Variants in DOK7 observed in about 807,000 individuals in gnomAD.
The protein encoded by DOK7 is docking protein 7, also known as protein Dok-7.
A neutral mutation model predicts 30.7 loss-of-function variants in DOK7; 32 were observed. That is an observed-to-expected ratio of 1.04 (90% CI 0.79 to 1.40). The LOEUF (loss-of-function observed/expected upper bound fraction) is 1.40, where lower values mean the gene tolerates loss of function less well. Among genes scored for constraint, DOK7 ranks in the 40% most tolerant of loss-of-function variants. The pLI is 0.00. For synonymous variants in DOK7, 447 were observed against 324.1 expected (o/e 1.38, Z -4.07); for missense variants, 1,007 against 699.2 (o/e 1.44, Z -4.97).
chr4:3,496,594 A>T (rs1370004565), downstream of DOK7, among the ~76,000 whole-genome samples: 3 of 152,172 alleles, frequency 2.0e-5, no homozygotes, highest in Admixed American at 2.0e-4. Flanking sequence ...GGCTACCACC[A>T]GGCTGGGTGG....
chr4:3,499,380 C>T (rs7665412), downstream of DOK7, among the ~76,000 whole-genome samples: 1,207 of 152,318 alleles, frequency 7.9e-3, 17 homozygotes, highest in African/African-American at 0.028. Context: ...CCTCACGTGG[C>T]TGTGCGTTCC....
Position 3,492,970 on chromosome 4 carries a change from G to A in DOK7, c.984G>A (p.Gln328=). The stretch of plus-strand genomic sequence containing the variant: ...AGCCGCTGCGTCCGCGGCAGCTGCA[G>A]GAGGTTGGCCGCCAGAGCTCCTCGG... ...PPKPLRPRQL[Q]EVGRQSSSDS... is the part of the protein sequence containing the mutation. The change falls in exon 7 of 7, where the codon CAG becomes CAA. Residue 328 remains glutamine, a synonymous_variant. Transcript: ENST00000340083. 1 of 1,553,724 alleles carries A rather than the reference G, an allele frequency of 6.4e-7. No individual in the cohort carries two copies. The highest frequency in any genetic ancestry group is 8.7e-7 in the Non-Finnish European group (1 of 1,152,776).
chr4:3,496,421 G>A (rs564056473), downstream of DOK7, among the ~76,000 whole-genome samples: 3 of 152,368 alleles, frequency 2.0e-5, no homozygotes, highest in Admixed American at 1.3e-4. Flanking sequence ...CGGAGCAGCC[G>A]CTCAGCTCTG....
intron 4 of DOK7, among the ~76,000 whole-genome samples, chr4:3,485,161 G>A (rs1014405615): frequency 3.9e-5 from 6 of 152,222 alleles, no homozygotes; most frequent in Non-Finnish European, 8.8e-5. Flanking sequence ...CGGAAGGCAG[G>A]TATGTGGGCG....
At chr4:3,485,067 T>C (rs1727678388) in intron 4 of DOK7, among the ~76,000 whole-genome samples, 1 of 152,084 alleles carries the variant, frequency 6.6e-6, no homozygotes, top group South Asian at 2.1e-4. Flanking sequence ...GCAGGGTCGC[T>C]GGGACCTTGG....
chr4:3,491,411 CTTCTTTCCTTCTTCCCCTGCTCATTCAT>C (rs1340800875), intron 6 of DOK7, among the ~76,000 whole-genome samples: 1 of 45,732 alleles, frequency 2.2e-5, no homozygotes, highest in Non-Finnish European at 4.8e-5. Flanking sequence ...CCCCAGCTTC[CTTCTTTCCTTCTTCCCCTGCTCATTCAT>C]TTCTTTCTTC....
rs889629961 is a variant in DOK7 at position 3,489,568 on chromosome 4, T to C, written c.653-109T>C. On this transcript the variant is annotated intron_variant, in intron 5 of 6. Transcript: ENST00000340083. Reference sequence around the variant, plus strand: ...GGAGGAGCGGGGACTCCCAGGGGACTGCCACTCCACAGAGGGGGATAACCA... The same window carrying C: ...GGAGGAGCGGGGACTCCCAGGGGACCGCCACTCCACAGAGGGGGATAACCA... 3 of 1,522,884 alleles carry C rather than the reference T, an allele frequency of 2.0e-6. No individual in the cohort carries two copies. In the African/African-American group the frequency reaches 4.1e-5, roughly 21 times the overall value. 94.3% of individuals were successfully genotyped at this position (1,522,884 alleles called of 1,614,324 possible).
intron 6 of DOK7, among the ~76,000 whole-genome samples, chr4:3,490,554 CT>C (rs1248638269): frequency 1.7e-5 from 2 of 117,302 alleles, no homozygotes; most frequent in African/African-American, 6.7e-5. Flanking sequence ...CCTTCTCCCC[CT>C]GCTCATTCGT....
At chr4:3,477,227 T>C (rs1370830018) in intron 4 of DOK7, among the ~76,000 whole-genome samples, 1 of 152,272 alleles carries the variant, frequency 6.6e-6, no homozygotes, top group Non-Finnish European at 1.5e-5. Context: ...CAGGTTGCCC[T>C]GTGGACCTGC....
rs555638303 is a variant in DOK7 at position 3,493,843 on chromosome 4, G to C, written c.*342G>C. The C allele has an allele frequency of 5.1e-6, 6 of 1,185,372 alleles. No individual in the cohort carries two copies. The highest frequency in any genetic ancestry group is 6.3e-6 in the Non-Finnish European group (6 of 956,324). 73.4% of individuals were successfully genotyped at this position (1,185,372 alleles called of 1,614,324 possible). ...CCTTGCACTGGGGTGCCAAGGGCTG[G>C]AGGCCCTGCCGCTGGCCTTGTCCTC... On this transcript the variant is annotated 3_prime_UTR_variant, in exon 7 of 7. Transcript: ENST00000340083.
intron 4 of DOK7, among the ~76,000 whole-genome samples, chr4:3,481,656 C>T (rs1242329746): frequency 6.6e-6 from 1 of 152,166 alleles, no homozygotes; most frequent in East Asian, 1.9e-4. Context: ...CCATGCCTAC[C>T]TGGCATGAGC....
chr4:3,469,034 GTA>G (rs769356974), intron 2 of DOK7, among the ~76,000 whole-genome samples: 43 of 148,806 alleles, frequency 2.9e-4, no homozygotes, highest in South Asian at 1.5e-3. Context: ...CTGTGTATGT[GTA>G]TGAGTGTGCA....
In DOK7 at chr4:3,492,750, C is replaced by T. The variant is rs376190589; in HGVS notation, c.773-9C>T. 82 of 1,612,320 alleles carry T rather than the reference C, an allele frequency of 5.1e-5. No homozygotes were observed. Among genetic ancestry groups the T allele is most frequent in the Non-Finnish European group, 6.4e-5 (76 of 1,179,972 alleles). On this transcript the variant is annotated splice_polypyrimidine_tract_variant and intron_variant, in intron 6 of 6. Coordinates refer to ENST00000340083, the MANE Select transcript of DOK7 (RefSeq NM_173660.5). The stretch of plus-strand genomic sequence containing the variant: ...CCCACAACTGCCTTGGCTTCCTGCT[C>T]TGTCTCAGGGGATGACCGCAGCCTG...
At chr4:3,484,581 G>A (rs1215136064) in intron 4 of DOK7, 7 of 985,234 alleles carry the variant, frequency 7.1e-6, no homozygotes, top group South Asian at 4.7e-5. Context: ...ACCCCTGGCC[G>A]GGAGGGCAGC....
intron 5 of DOK7, among the ~76,000 whole-genome samples, chr4:3,486,355 G>A (rs16844429): frequency 0.081 from 12,321 of 152,312 alleles, 854 homozygotes; most frequent in African/African-American, 0.19. Context: ...CTTGCTCCAC[G>A]AGGGCAGCGC....
chr4:3,479,213 C>T (rs892989640), intron 4 of DOK7, among the ~76,000 whole-genome samples: 2 of 152,238 alleles, frequency 1.3e-5, no homozygotes, highest in Non-Finnish European at 2.9e-5. Context: ...TGTGCCACTC[C>T]AGTCCCTGCG....
intron 6 of DOK7, 72 bp from the exon 7 acceptor site, chr4:3,492,687 A>C: frequency 6.3e-7 from 1 of 1,590,922 alleles, no homozygotes; most frequent in Middle Eastern, 1.8e-4. Context: ...GTGGGGGTCC[A>C]CCAGGCATCA....
Position 3,473,416 on chromosome 4 carries a change from G to A in DOK7, c.111G>A (p.Leu37=), listed in dbSNP as rs2109335875. 2.5e-6 allele frequency: 4 copies of A among 1,610,882 alleles called. No homozygotes were observed. The South Asian group carries it at 4.4e-5, about 18-fold the overall frequency. ...CCACGCTCCTTGCAGACTGCCTGCT[G>A]ATGCTGGTCTACAAGGACAAGTCGG... ...RKPSPVADCL[L]MLVYKDKSER... is the part of the protein sequence containing the mutation. Residue 37 remains leucine, a synonymous_variant, in exon 3 of 7, where the codon CTG becomes CTA. Transcript: ENST00000340083.
chr4:3,480,820 GATC>G (rs1423948317), intron 4 of DOK7, among the ~76,000 whole-genome samples: 1 of 152,130 alleles, frequency 6.6e-6, no homozygotes, highest in Non-Finnish European at 1.5e-5. Flanking sequence ...TGGGCCTAGG[GATC>G]AGACGGTCCG....
Sources: allele counts gnomAD v4.1 joint callset (sites outside exome capture counted in the v4.1 genomes callset), GRCh38; gene constraint gnomAD v4.1.1; transcripts MANE v1.5; gene names NCBI Gene and HGNC (gene_info 2026-07-23, HGNC 2026-07-21).